KCNT2: variants seen among roughly 807,000 people sequenced by gnomAD.
KCNT2 encodes the protein potassium sodium-activated channel subfamily T member 2, also known as potassium channel subfamily T member 2.
In KCNT2, 67 loss-of-function variants were observed where a neutral mutation model predicts 153.8. The ratio of observed to expected loss-of-function variants is 0.44; its 90% CI spans 0.36 to 0.53. KCNT2 has a LOEUF of 0.53. Ranked by LOEUF, KCNT2 falls within the 20% of genes least tolerant of loss-of-function variation. KCNT2 has a pLI of 0.00. For missense variants in KCNT2, 975 were observed against 1,354.8 expected (o/e 0.72, Z 4.40); for synonymous variants, 500 against 458.8 (o/e 1.09, Z -1.15).
chr1:196,244,009 G>C (rs943462351), intron 26 of KCNT2, among the ~76,000 whole-genome samples: 5 of 152,014 alleles, frequency 3.3e-5, no homozygotes, highest in Non-Finnish European at 7.4e-5. Flanking sequence ...CTCAGCCATA[G>C]TATGATAGGG....
At chr1:196,255,188 T>A (rs1007343701) in intron 26 of KCNT2, among the ~76,000 whole-genome samples, 1 of 151,620 alleles carries the variant, frequency 6.6e-6, no homozygotes, top group African/African-American at 2.4e-5. Flanking sequence ...AGAAAAAAAA[T>A]TATTCACATT....
intron 19 of KCNT2, among the ~76,000 whole-genome samples, chr1:196,324,243 T>C (rs2148059986): frequency 6.6e-6 from 1 of 152,092 alleles, no homozygotes; most frequent in Non-Finnish European, 1.5e-5. Flanking sequence ...AGGGAACTTT[T>C]AATGCAAAAA....
chr1:196,521,820 G>A (rs1053170156), intron 1 of KCNT2, among the ~76,000 whole-genome samples: 1 of 152,008 alleles, frequency 6.6e-6, no homozygotes, highest in Non-Finnish European at 1.5e-5. Context: ...AGGAGGGAGA[G>A]GATCAGAAAA....
At chr1:196,314,711 C>A (rs1440309492) in intron 21 of KCNT2, among the ~76,000 whole-genome samples, 1 of 151,616 alleles carries the variant, frequency 6.6e-6, no homozygotes, top group Admixed American at 6.6e-5. Flanking sequence ...TTAGGAAGGT[C>A]ACAAAGTTAG....
intron 18 of KCNT2, among the ~76,000 whole-genome samples, chr1:196,329,316 C>T (rs1400284414): frequency 6.6e-6 from 1 of 152,028 alleles, no homozygotes; most frequent in African/African-American, 2.4e-5. Flanking sequence ...CCAATAATTC[C>T]AGGTATCACT....
intron 8 of KCNT2, among the ~76,000 whole-genome samples, chr1:196,434,524 A>C (rs1423610474): frequency 6.6e-6 from 1 of 152,018 alleles, no homozygotes; most frequent in African/African-American, 2.4e-5. Context: ...AACACAGCTC[A>C]ACCTCAGGTT....
At chr1:196,516,667 T>C (rs1682081259) in intron 1 of KCNT2, among the ~76,000 whole-genome samples, 1 of 152,168 alleles carries the variant, frequency 6.6e-6, no homozygotes, top group African/African-American at 2.4e-5. Context: ...CCTGATCTTA[T>C]CCTCCTTACT....
rs531046347 is a variant in KCNT2 at position 196,590,522 on chromosome 1, T to G, written c.95+17693A>C. The stretch of plus-strand genomic sequence containing the variant: ...CTCCTCCAGAGCCTTGCTTTCCTGC[T>G]TCCTCCCAGACCCTGGCACTAGCCT... On this transcript the variant is annotated intron_variant, in intron 1 of 27. Transcript: ENST00000294725. Among the ~76,000 whole-genome samples, 7 of 152,262 alleles carry G rather than the reference T, an allele frequency of 4.6e-5. No individual in the cohort carries two copies. The East Asian group carries it at 1.2e-3, about 25-fold the overall frequency.
At position 196,372,084 on chromosome 1, in the gene KCNT2, C is replaced by A. The variant is rs188478614; in HGVS notation, c.1403+1056G>T. Among the ~76,000 whole-genome samples, 150 of 152,120 alleles carry A rather than the reference C, an allele frequency of 9.9e-4. 1 individual carries two copies. Among genetic ancestry groups the A allele is most frequent in the Middle Eastern group, 3.4e-3 (1 of 294 alleles). On this transcript the variant is annotated intron_variant, in intron 14 of 27. Transcript: ENST00000294725. ...ACGTCATTCCTAATCCTGTTACATC[C>A]TTCCTATTGCACAGATTAAAGGCTT...
chr1:196,413,115 AT>A (rs1448542373), intron 12 of KCNT2, among the ~76,000 whole-genome samples: 1 of 151,704 alleles, frequency 6.6e-6, no homozygotes, highest in Non-Finnish European at 1.5e-5. Context: ...TATACATGTC[AT>A]TATTATTATA....
intron 25 of KCNT2, among the ~76,000 whole-genome samples, chr1:196,264,948 C>T (rs550144845): frequency 4.6e-5 from 7 of 152,256 alleles, no homozygotes; most frequent in African/African-American, 1.7e-4. Context: ...AATGCTTAAT[C>T]GTGATGAAAG....
At chr1:196,508,189 C>CAAAAAAAAG (rs1681304915) in intron 1 of KCNT2, among the ~76,000 whole-genome samples, 2 of 59,984 alleles carry the variant, frequency 3.3e-5, no homozygotes, top group East Asian at 4.6e-4. Flanking sequence ...CCCTAAGTAG[C>CAAAAAAAAG]AAAAAAAAAA....
At chr1:196,481,665 G>A (rs566308176) in intron 4 of KCNT2, among the ~76,000 whole-genome samples, 9 of 152,078 alleles carry the variant, frequency 5.9e-5, no homozygotes, top group East Asian at 5.8e-4. Context: ...AAGTAGAGGC[G>A]ATAGAAACTT....
At chr1:196,516,886 C>A (rs1249374401) in intron 1 of KCNT2, among the ~76,000 whole-genome samples, 1 of 152,018 alleles carries the variant, frequency 6.6e-6, no homozygotes, top group Non-Finnish European at 1.5e-5. Flanking sequence ...TACTACAGCA[C>A]CCTTATGGAA....
At chr1:196,446,592 T>G (rs567958107) in intron 8 of KCNT2, among the ~76,000 whole-genome samples, 2 of 151,524 alleles carry the variant, frequency 1.3e-5, no homozygotes, top group African/African-American at 2.4e-5. Flanking sequence ...CCCAACTTTG[T>G]GGAAGTTAAA....
At chr1:196,515,668 T>C (rs560980159) in intron 1 of KCNT2, among the ~76,000 whole-genome samples, 11 of 152,320 alleles carry the variant, frequency 7.2e-5, no homozygotes, top group Admixed American at 3.3e-4. Flanking sequence ...AAGCAGCTAC[T>C]GTGTGCCACT....
chr1:196,352,493 A>G (rs1296468636), intron 14 of KCNT2, among the ~76,000 whole-genome samples: 2 of 152,164 alleles, frequency 1.3e-5, no homozygotes, highest in African/African-American at 2.4e-5. Context: ...TTATTTGCAC[A>G]GAGGTGTTTG....
intron 20 of KCNT2, among the ~76,000 whole-genome samples, chr1:196,319,087 T>A (rs1663027294): frequency 6.6e-6 from 1 of 151,780 alleles, no homozygotes; most frequent in Admixed American, 6.6e-5. Flanking sequence ...AATTTATAAA[T>A]CTAAGTTAAA....
chr1:196,418,423 G>A (rs963343414), intron 12 of KCNT2, among the ~76,000 whole-genome samples: 5 of 152,078 alleles, frequency 3.3e-5, no homozygotes, highest in Non-Finnish European at 5.9e-5. Context: ...CTGAGATTGT[G>A]TCATTCAACT....
Sources: allele counts gnomAD v4.1 joint callset (sites outside exome capture counted in the v4.1 genomes callset), GRCh38; gene constraint gnomAD v4.1.1; transcripts MANE v1.5; gene names NCBI Gene and HGNC (gene_info 2026-07-23, HGNC 2026-07-21).